MED27: variants seen among roughly 807,000 people sequenced by gnomAD.
MED27 encodes mediator of RNA polymerase II transcription subunit 27.
In MED27, 30 loss-of-function variants were observed where a neutral mutation model predicts 38.2. The observed-to-expected ratio is 0.79, with a 90% CI of 0.59 to 1.07. The LOEUF is 1.07. Ranked by LOEUF, MED27 falls within the 50% of genes least tolerant of loss-of-function variation. The pLI, the probability that MED27 is intolerant of heterozygous loss-of-function variation, is 0.00. For synonymous variants in MED27, 122 were observed against 153.5 expected, an observed-to-expected ratio of 0.79 and a Z score of 1.52; for missense variants, 289 against 397.5, an observed-to-expected ratio of 0.73 and a Z score of 2.32.
chr9:131,866,333 C>T (rs917045805), intron 6 of MED27, among the ~76,000 whole-genome samples: 2 of 152,224 alleles, frequency 1.3e-5, no homozygotes, highest in African/African-American at 4.8e-5. Flanking sequence ...CCAGGCAAGG[C>T]GTCGTGCAAA....
chr9:132,065,132 T>C (rs1233780178), intron 2 of MED27, among the ~76,000 whole-genome samples: 1 of 152,224 alleles, frequency 6.6e-6, no homozygotes, highest in Admixed American at 6.5e-5. Flanking sequence ...ATTAGCACAC[T>C]GGTAGCAAGT....
At chr9:132,011,172 T>C (rs1274634903) in intron 3 of MED27, among the ~76,000 whole-genome samples, 1 of 152,156 alleles carries the variant, frequency 6.6e-6, no homozygotes, top group Admixed American at 6.5e-5. Context: ...AGATATGAAA[T>C]AGAACAATAC....
chr9:131,884,153 C>G, intron 5 of MED27, 54 bp from the exon 6 acceptor site: 1 of 1,432,170 alleles, frequency 7.0e-7, no homozygotes. Context: ...TTCGGGACTT[C>G]AAGAAATAAT....
chr9:132,025,928 A>G (rs1832808525), intron 2 of MED27, among the ~76,000 whole-genome samples: 1 of 152,196 alleles, frequency 6.6e-6, no homozygotes, highest in South Asian at 2.1e-4. Flanking sequence ...GTATCTGATG[A>G]AAAAAACCTT....
At chr9:131,908,392 G>T (rs1830119262) in intron 4 of MED27, among the ~76,000 whole-genome samples, 1 of 152,274 alleles carries the variant, frequency 6.6e-6, no homozygotes, top group African/African-American at 2.4e-5. Context: ...ACAGCTCATT[G>T]AGAACGGGCC....
intron 3 of MED27, among the ~76,000 whole-genome samples, chr9:131,984,080 T>C (rs1831798964): frequency 6.6e-6 from 1 of 152,162 alleles, no homozygotes; most frequent in Admixed American, 6.5e-5. Flanking sequence ...TTGCTCTGTC[T>C]GGGACACCTA....
intron 3 of MED27, among the ~76,000 whole-genome samples, chr9:131,947,895 A>G (rs1830914556): frequency 6.6e-6 from 1 of 152,220 alleles, no homozygotes; most frequent in Non-Finnish European, 1.5e-5. Flanking sequence ...TGCCCAGTAG[A>G]TATCAAGAAG....
intron 4 of MED27, among the ~76,000 whole-genome samples, chr9:131,930,986 C>T (rs1830575402): frequency 1.3e-5 from 2 of 152,100 alleles, no homozygotes; most frequent in Non-Finnish European, 2.9e-5. Flanking sequence ...TGGCTCATGC[C>T]TGTAATCCCA....
intron 3 of MED27, among the ~76,000 whole-genome samples, chr9:131,993,178 C>A (rs1832014379): frequency 6.6e-6 from 1 of 152,004 alleles, no homozygotes; most frequent in Non-Finnish European, 1.5e-5. Flanking sequence ...CCGTGCCTTA[C>A]CTAAATCTGC....
chr9:131,990,233 T>A (rs1299982883), intron 3 of MED27, among the ~76,000 whole-genome samples: 1 of 152,196 alleles, frequency 6.6e-6, no homozygotes, highest in Non-Finnish European at 1.5e-5. Flanking sequence ...TTTCTTCCCA[T>A]GATTGAGCCC....
intron 2 of MED27, among the ~76,000 whole-genome samples, chr9:132,075,393 G>A (rs937136831): frequency 1.2e-4 from 19 of 152,280 alleles, no homozygotes; most frequent in African/African-American, 3.4e-4. Flanking sequence ...TCAGCAGGCC[G>A]GGGGCATGGC....
At position 131,860,418 on chromosome 9, in the gene MED27, A is replaced by G; in HGVS notation, c.*120T>C. 5.9e-6 allele frequency: 7 copies of G among 1,194,280 alleles called. No individual in the cohort carries two copies. The highest frequency in any genetic ancestry group is 7.9e-6 in the Non-Finnish European group (7 of 881,946). 74.0% of individuals were successfully genotyped at this position (1,194,280 alleles called of 1,614,324 possible). On this transcript the variant is annotated 3_prime_UTR_variant, in exon 8 of 8. Transcript: ENST00000292035. This position sits in a 1 kb window ranked among gnomAD's most constrained non-coding sequence, Gnocchi z 5.8. ...GCCTCTGCACACATGGCGCTGCTTT[A>G]TGAAAGGGAGGAGCAGCTGTACACA...
intron 2 of MED27, among the ~76,000 whole-genome samples, chr9:132,015,564 C>T (rs72763617): frequency 1.3e-5 from 2 of 152,262 alleles, no homozygotes; most frequent in Non-Finnish European, 2.9e-5. Context: ...AACTACCACC[C>T]CAAGCAAGAC....
chr9:131,987,244 A>C (rs1218711544), intron 3 of MED27, among the ~76,000 whole-genome samples: 1 of 151,704 alleles, frequency 6.6e-6, no homozygotes, highest in Non-Finnish European at 1.5e-5. Context: ...ACTAGTTTTA[A>C]CTTCTTTTTT....
Position 131,904,542 on chromosome 9 carries a change from G to GT in MED27, c.574-10551_574-10550insA, listed in dbSNP as rs60319015. Among the ~76,000 whole-genome samples the GT allele has an allele frequency of 1.7e-3, 249 of 149,904 alleles. 1 individual carries two copies. Among genetic ancestry groups the GT allele is most frequent in the African/African-American group, 5.9e-3 (239 of 40,636 alleles). On this transcript the variant is annotated intron_variant, in intron 4 of 7. Coordinates refer to ENST00000292035, the MANE Select transcript of MED27 (RefSeq NM_004269.4). Reference sequence around the variant, plus strand: ...TCTTTTTTTTTTAAATAGAGATCGGGGGGGAGCGGTCTCACTATGTTGCCC... The same window carrying GT: ...TCTTTTTTTTTTAAATAGAGATCGGGTGGGGAGCGGTCTCACTATGTTGCCC...
chr9:131,948,199 A>G (rs1413520075), intron 3 of MED27, among the ~76,000 whole-genome samples: 1 of 152,160 alleles, frequency 6.6e-6, no homozygotes, highest in African/African-American at 2.4e-5. Context: ...AAACTGTACA[A>G]CCAGGCCGGG....
chr9:131,991,791 C>T (rs1173420517), intron 3 of MED27, among the ~76,000 whole-genome samples: 3 of 151,998 alleles, frequency 2.0e-5, no homozygotes, highest in Admixed American at 2.0e-4. Context: ...GCGCAATCTC[C>T]GCTCACTGCA....
At position 131,861,826 on chromosome 9, in the gene MED27, G is replaced by A. The variant is rs139218877; in HGVS notation, c.802-1154C>T. Reference sequence around the variant, plus strand: ...CTCGCTCTGACACCCAGGCTGGAGCGCAGTGGTGCAATCGATCATAGCTCA... The same window carrying A: ...CTCGCTCTGACACCCAGGCTGGAGCACAGTGGTGCAATCGATCATAGCTCA... On this transcript the variant is annotated intron_variant, in intron 7 of 7. Coordinates refer to ENST00000292035, the MANE Select transcript of MED27 (RefSeq NM_004269.4). This position sits in a 1 kb window ranked among gnomAD's most constrained non-coding sequence, Gnocchi z 4.4. Among the ~76,000 whole-genome samples, 7 of 150,828 alleles carry A rather than the reference G, an allele frequency of 4.6e-5. No homozygotes were observed. Among genetic ancestry groups the A allele is most frequent in the East Asian group, 3.9e-4 (2 of 5,094 alleles).
At chr9:132,053,019 C>T (rs1005423681) in intron 2 of MED27, among the ~76,000 whole-genome samples, 3 of 151,754 alleles carry the variant, frequency 2.0e-5, no homozygotes, top group South Asian at 2.1e-4. Flanking sequence ...TTTGGGAGGC[C>T]GAGGTGGGTG....
Sources: gnomAD v4.1 joint callset for allele counts (sites outside exome capture counted in the v4.1 genomes callset) on GRCh38, gnomAD v4.1.1 for gene constraint, Gnocchi (gnomAD v3.1) non-coding constraint, MANE v1.5 for transcripts, NCBI Gene and HGNC (gene_info 2026-07-23, HGNC 2026-07-21) for gene names.